COPS2: variants seen among roughly 807,000 people sequenced by gnomAD.
The protein encoded by COPS2 is COP9 signalosome subunit 2.
In COPS2, 10 loss-of-function variants were observed where a neutral mutation model predicts 66.1. The ratio of observed to expected loss-of-function variants is 0.15; its 90% confidence interval spans 0.09 to 0.26. The LOEUF is 0.26. COPS2 is among the 10% of genes least tolerant of loss of function. The pLI, the probability that COPS2 is intolerant of heterozygous loss-of-function variation, is 1.00. For missense variants in COPS2, 215 were observed against 513.3 expected (o/e 0.42, Z 5.62); for synonymous variants, 179 against 171.3 (o/e 1.04, Z -0.35).
intron 1 of COPS2, among the ~76,000 whole-genome samples, chr15:49,153,009 A>G (rs1377305074): frequency 6.6e-6 from 1 of 152,222 alleles, no homozygotes; most frequent in African/African-American, 2.4e-5. Context: ...TTACATTCTC[A>G]AAGATGATCA....
At chr15:49,146,663 C>T (rs2084322971) in intron 1 of COPS2, among the ~76,000 whole-genome samples, 1 of 152,092 alleles carries the variant, frequency 6.6e-6, no homozygotes, top group Non-Finnish European at 1.5e-5. Context: ...ACTCCCGAAC[C>T]CCCTGCCTGC....
intron 3 of COPS2, among the ~76,000 whole-genome samples, chr15:49,143,070 G>C (rs1417760564): frequency 6.6e-6 from 1 of 152,158 alleles, no homozygotes; most frequent in Non-Finnish European, 1.5e-5. Flanking sequence ...CTGATAAGTG[G>C]TGCCATTGAG....
intron 1 of COPS2, among the ~76,000 whole-genome samples, chr15:49,150,333 T>G (rs369937343): frequency 6.6e-6 from 1 of 152,006 alleles, no homozygotes; most frequent in South Asian, 2.1e-4. Flanking sequence ...TTTTCTATAT[T>G]TTTCCCACCT....
chr15:49,137,048 G>A (rs1229791818), intron 6 of COPS2, 102 bp downstream of exon 6: 2 of 717,632 alleles, frequency 2.8e-6, no homozygotes, highest in African/African-American at 3.7e-5. Context: ...TTCAGATAAT[G>A]CTTAAACTAA....
At chr15:49,140,819 A>T (rs1471968571) in intron 3 of COPS2, among the ~76,000 whole-genome samples, 2 of 152,102 alleles carry the variant, frequency 1.3e-5, no homozygotes, top group Non-Finnish European at 2.9e-5. Flanking sequence ...CTAACTGAAC[A>T]TATGTATTTA....
rs1477196937 is a variant in COPS2, at chr15:49,122,917, T to A, written c.*5033A>T. 4.6e-5 allele frequency: 7 copies of A among 152,202 alleles called. No homozygotes were observed. Among genetic ancestry groups the A allele is most frequent in the Non-Finnish European group, 8.8e-5 (6 of 68,018 alleles). 9.4% of individuals were successfully genotyped at this position (152,202 alleles called of 1,614,324 possible). A position where few individuals can be genotyped will look rare whatever the true frequency, so the allele number is the denominator to read the frequency against. ...CATTCCTAATCACCTACTACTTCCTTCCCACCTAGTGTTAGCTCAAGGAAT... is the reference window on the plus strand; with the variant it reads ...CATTCCTAATCACCTACTACTTCCTACCCACCTAGTGTTAGCTCAAGGAAT... On this transcript the variant is annotated 3_prime_UTR_variant, in exon 13 of 13. Transcript: ENST00000388901.
intron 3 of COPS2, among the ~76,000 whole-genome samples, chr15:49,141,893 T>C (rs2084291991): frequency 6.6e-6 from 1 of 152,204 alleles, no homozygotes; most frequent in African/African-American, 2.4e-5. Context: ...AGCACAGTGT[T>C]CAAATGGACT....
intron 11 of COPS2, 56 bp from the exon 12 acceptor site, chr15:49,128,816 A>G (rs1001127270): frequency 4.5e-6 from 5 of 1,118,534 alleles, no homozygotes; most frequent in Non-Finnish European, 6.6e-6. Flanking sequence ...TCATAATTTT[A>G]CACAATCATT....
rs1039773989 is a variant in COPS2 at position 49,124,622 on chromosome 15, T to G, written c.*3328A>C. The G allele has an allele frequency of 6.6e-6, 1 of 152,148 alleles. No individual in the cohort carries two copies. The highest frequency in any genetic ancestry group is 6.5e-5 in the Admixed American group (1 of 15,276). The allele number at this position is 152,148 out of a possible 1,614,324, so 9.4% of individuals were successfully genotyped here. A position where few individuals can be genotyped will look rare whatever the true frequency, so the allele number is the denominator to read the frequency against. ...CTTAAACACTTTGATACAAAATAGT[T>G]AAATGTCAAATTCCTTTTTTTGTTA... On this transcript the variant is annotated 3_prime_UTR_variant, in exon 13 of 13. Transcript: ENST00000388901.
chr15:49,128,648 A>G, intron 12 of COPS2, 54 bp downstream of exon 12: 1 of 1,260,496 alleles, frequency 7.9e-7, no homozygotes, highest in Non-Finnish European at 1.1e-6. Flanking sequence ...TGTCACTATT[A>G]TTCAAAACTT....
chr15:49,135,916 C>T (rs1042265806), intron 6 of COPS2, among the ~76,000 whole-genome samples: 1 of 152,060 alleles, frequency 6.6e-6, no homozygotes, highest in Non-Finnish European at 1.5e-5. Context: ...TCTCAAATTC[C>T]TTATATACAT....
chr15:49,129,551 G>A lies in COPS2; in HGVS notation c.1054C>T (p.Arg352Ter). Residue 352 changes from arginine to a stop codon, truncating the protein, a stop_gained, in exon 11 of 13, where the codon CGA becomes TGA. Transcript: ENST00000388901. LOFTEE classifies it high-confidence loss of function. ...ATAAGCACTTGTGTTCTGATGTTTCGCAAAAGCTCTGAAAGACAAAAAATT... is the reference window on the plus strand; with the variant it reads ...ATAAGCACTTGTGTTCTGATGTTTCACAAAAGCTCTGAAAGACAAAAAATT... ...FIREHIEELLRNIRTQVLIKL... is the reference protein window; with the variant it reads ...FIREHIEELL 4 of 1,491,200 alleles carry A rather than the reference G, an allele frequency of 2.7e-6. No homozygotes were observed. The highest frequency in any genetic ancestry group is 1.4e-5 in the South Asian group (1 of 74,034). 92.4% of individuals were successfully genotyped at this position (1,491,200 alleles called of 1,614,324 possible).
chr15:49,124,223 T>A lies in COPS2; in HGVS notation c.*3727A>T, dbSNP rs1311437392. 4 of 151,594 alleles carry A rather than the reference T, an allele frequency of 2.6e-5. No individual in the cohort carries two copies. The highest frequency in any genetic ancestry group is 4.4e-5 in the Non-Finnish European group (3 of 67,906). The allele number at this position is 151,594 out of a possible 1,614,324, so 9.4% of individuals were successfully genotyped here. On this transcript the variant is annotated 3_prime_UTR_variant, in exon 13 of 13. Transcript: ENST00000388901. Reference sequence around the variant, plus strand: ...CTTGTCTCTACTAAAAACACAAAAATTAGCTGGGCGTGGTGGCGGGTGTCT... The same window carrying A: ...CTTGTCTCTACTAAAAACACAAAAAATAGCTGGGCGTGGTGGCGGGTGTCT...
Position 49,128,108 on chromosome 15 carries a change from A to G in COPS2, c.1188-14T>C. 1 of 1,611,486 alleles carries G rather than the reference A, an allele frequency of 6.2e-7. No individual in the cohort carries two copies. The highest frequency in any genetic ancestry group is 1.1e-5 in the South Asian group (1 of 90,556). ...CCATGAATAGTGCTAGAAAGAAATA[A>G]ATAAGATGTGTCTACAAAAGACTTT... On this transcript the variant is annotated splice_polypyrimidine_tract_variant and intron_variant, in intron 12 of 12. Coordinates refer to ENST00000388901, the MANE Select transcript of COPS2 (RefSeq NM_004236.4).
At chr15:49,155,496 C>G (rs1191820016) in intron 1 of COPS2, 29 bp downstream of exon 1, 1 of 1,612,024 alleles carries the variant, frequency 6.2e-7, no homozygotes, top group Non-Finnish European at 8.5e-7. Flanking sequence ...CACATCACCA[C>G]CCTCAGAGTT....
At chr15:49,150,470 A>G (rs1031669432) in intron 1 of COPS2, among the ~76,000 whole-genome samples, 20 of 152,118 alleles carry the variant, frequency 1.3e-4, no homozygotes, top group Non-Finnish European at 2.9e-5. Context: ...TGATCTTTTT[A>G]TTAAAAGGAT....
Position 49,137,237 on chromosome 15 carries a change from A to G in COPS2, c.463-10T>C, listed in dbSNP as rs1259094570. 2.5e-6 allele frequency: 4 copies of G among 1,585,454 alleles called. No individual in the cohort carries two copies. In the African/African-American group the frequency reaches 5.5e-5, roughly 22 times the overall value. On this transcript the variant is annotated splice_polypyrimidine_tract_variant and intron_variant, in intron 5 of 12. Coordinates refer to ENST00000388901, the MANE Select transcript of COPS2 (RefSeq NM_004236.4). ...AATATAATTTTCCAAGCTGCAAGAA[A>G]GCAAATTTATTAAAATCAAGATTTC...
At chr15:49,136,277 T>C (rs2084250946) in intron 6 of COPS2, among the ~76,000 whole-genome samples, 1 of 152,194 alleles carries the variant, frequency 6.6e-6, no homozygotes, top group African/African-American at 2.4e-5. Context: ...TTTAAACTAG[T>C]ATTAAATGAT....
At position 49,151,684 on chromosome 15, in the gene COPS2, A is replaced by G. The variant is rs1252292519; in HGVS notation, c.54+3841T>C. 1.2e-4 allele frequency among the ~76,000 whole-genome samples: 19 copies of G among 152,212 alleles called. No homozygotes were observed. The South Asian group carries it at 1.4e-3, about 12-fold the overall frequency. On this transcript the variant is annotated intron_variant, in intron 1 of 12. Coordinates refer to ENST00000388901, the MANE Select transcript of COPS2 (RefSeq NM_004236.4). ...ATTGCATTAAATGTCATTTACTAGC[A>G]CCATCACCTACCACAGATTACTATG...
Sources: allele counts gnomAD v4.1 joint callset (sites outside exome capture counted in the v4.1 genomes callset), GRCh38; gene constraint gnomAD v4.1.1; transcripts MANE v1.5; gene names NCBI Gene and HGNC (gene_info 2026-07-23, HGNC 2026-07-21).